Variants in ASTN2 observed in about 807,000 individuals in gnomAD.
The protein encoded by ASTN2 is astrotactin-2.
Under a neutral mutation model 139.8 loss-of-function variants are expected in ASTN2, and 54 were observed. The ratio of observed to expected loss-of-function variants is 0.39; its 90% CI spans 0.31 to 0.48. The LOEUF (loss-of-function observed/expected upper bound fraction) is 0.48. Among genes scored for constraint, ASTN2 ranks in the 20% least tolerant of loss-of-function variants. ASTN2 has a pLI of 0.95. For missense variants in ASTN2, 1,565 were observed against 1,725.1 expected (o/e 0.91, Z 1.64); for synonymous variants, 756 against 719.5 (o/e 1.05, Z -0.81).
intron 19 of ASTN2, among the ~76,000 whole-genome samples, chr9:116,509,167 C>A (rs1587906453): frequency 6.6e-6 from 1 of 152,162 alleles, no homozygotes; most frequent in African/African-American, 2.4e-5. Flanking sequence ...CTTCCCCTCA[C>A]CCCACGACAG....
chr9:116,750,363 G>A lies in ASTN2; in HGVS notation c.2397-16840C>T, dbSNP rs117752901. 1.9e-3 allele frequency among the ~76,000 whole-genome samples: 294 copies of A among 152,210 alleles called. 1 individual carries two copies. Among genetic ancestry groups the A allele is most frequent in the Non-Finnish European group, 2.8e-3 (191 of 68,002 alleles). On this transcript the variant is annotated intron_variant, in intron 13 of 22. Coordinates refer to ENST00000313400, the MANE Select transcript of ASTN2 (RefSeq NM_001365068.1). ...CAGAACATATGGCATAAATACAGCT[G>A]GTTCTGGTGTGAATTTGTGGTTGGG...
At chr9:116,817,476 A>T (rs916161342) in intron 12 of ASTN2, among the ~76,000 whole-genome samples, 1 of 152,272 alleles carries the variant, frequency 6.6e-6, no homozygotes, top group East Asian at 1.9e-4. Context: ...GGGGGTACAA[A>T]GGAGAAAGAG....
intron 20 of ASTN2, among the ~76,000 whole-genome samples, chr9:116,457,490 C>G (rs573107285): frequency 1.3e-5 from 2 of 152,194 alleles, no homozygotes; most frequent in Admixed American, 1.3e-4. Context: ...GGAGCTCAAA[C>G]AACTCAATAC....
chr9:116,646,523 G>A lies in ASTN2; in HGVS notation c.3072+5005C>T, dbSNP rs117742181. On this transcript the variant is annotated intron_variant, in intron 17 of 22. Coordinates refer to ENST00000313400, the MANE Select transcript of ASTN2 (RefSeq NM_001365068.1). ...GTAGCTGCTTTTTCTTCCCACCAGC[G>A]TTGTTTTGTGGCCATATTCCCTTCC... 7.5e-3 allele frequency among the ~76,000 whole-genome samples: 1,148 copies of A among 152,208 alleles called. 6 individuals are homozygous for A. Among genetic ancestry groups the A allele is most frequent in the Middle Eastern group, 0.014 (4 of 294 alleles).
chr9:116,477,435 G>A (rs994257269), intron 20 of ASTN2, among the ~76,000 whole-genome samples: 5 of 151,990 alleles, frequency 3.3e-5, no homozygotes, highest in Non-Finnish European at 7.4e-5. Flanking sequence ...TTCCACTCGA[G>A]TTTGGGGACA....
chr9:117,095,291 C>T (rs939454126), intron 5 of ASTN2, among the ~76,000 whole-genome samples: 1 of 152,212 alleles, frequency 6.6e-6, no homozygotes, highest in African/African-American at 2.4e-5. Context: ...CATTCACAGG[C>T]AATTGCCTGA....
intron 19 of ASTN2, among the ~76,000 whole-genome samples, chr9:116,577,375 T>C (rs961494327): frequency 1.3e-5 from 2 of 151,768 alleles, no homozygotes; most frequent in African/African-American, 4.8e-5. Flanking sequence ...TAAAACAAAA[T>C]ACAAAAATTA....
At chr9:116,533,785 G>A (rs904094792) in intron 19 of ASTN2, among the ~76,000 whole-genome samples, 5 of 152,080 alleles carry the variant, frequency 3.3e-5, no homozygotes, top group Admixed American at 6.5e-5. Flanking sequence ...GAAGATTTTT[G>A]CATCGATGTT....
At chr9:117,346,283 C>T (rs1242262073) in intron 1 of ASTN2, among the ~76,000 whole-genome samples, 2 of 152,098 alleles carry the variant, frequency 1.3e-5, no homozygotes, top group Non-Finnish European at 2.9e-5. Flanking sequence ...GTATAACCAA[C>T]GTAGAGTTTA....
chr9:116,832,317 T>C (rs11794850), intron 11 of ASTN2, among the ~76,000 whole-genome samples: 2,252 of 152,258 alleles, frequency 0.015, 18 homozygotes, highest in African/African-American at 0.026. Context: ...TATTTCTTCC[T>C]TTCTTATCTG....
intron 13 of ASTN2, among the ~76,000 whole-genome samples, chr9:116,802,843 T>C (rs1014418830): frequency 5.9e-5 from 9 of 152,238 alleles, no homozygotes. Context: ...CTTATCCATA[T>C]GTCTGGGCCT....
chr9:116,545,791 T>C (rs1187422050), intron 19 of ASTN2: 1 of 152,204 alleles, frequency 6.6e-6, no homozygotes, highest in African/African-American at 2.4e-5. Context: ...GATGAAGAGA[T>C]GAAACACAAT....
chr9:116,956,074 CTCTTTTT>C (rs1032779160), intron 10 of ASTN2, among the ~76,000 whole-genome samples: 1 of 149,268 alleles, frequency 6.7e-6, no homozygotes, highest in African/African-American at 2.4e-5. Flanking sequence ...CTAATCAGAA[CTCTTTTT>C]TCTTTTTCTT....
At chr9:116,635,659 C>A (rs937733612) in intron 17 of ASTN2, among the ~76,000 whole-genome samples, 2 of 152,172 alleles carry the variant, frequency 1.3e-5, no homozygotes, top group Non-Finnish European at 2.9e-5. Context: ...CTACGTTATA[C>A]TTCAATTGCC....
chr9:117,332,635 A>T (rs1050043772), intron 1 of ASTN2, among the ~76,000 whole-genome samples: 5 of 152,160 alleles, frequency 3.3e-5, no homozygotes, highest in Non-Finnish European at 7.4e-5. Context: ...TGAGAAAATG[A>T]AGGCTTGGGG....
At chr9:117,094,793 A>C (rs1828798358) in intron 5 of ASTN2, among the ~76,000 whole-genome samples, 1 of 152,226 alleles carries the variant, frequency 6.6e-6, no homozygotes, top group African/African-American at 2.4e-5. Flanking sequence ...TTTTGCTTTT[A>C]GCATACACCA....
At chr9:117,166,471 C>A (rs1229890130) in intron 3 of ASTN2, among the ~76,000 whole-genome samples, 5 of 152,144 alleles carry the variant, frequency 3.3e-5, no homozygotes, top group African/African-American at 1.2e-4. Context: ...TTGCACATGG[C>A]TTGCAAGGAA....
At chr9:116,898,541 C>T (rs890736445) in intron 10 of ASTN2, among the ~76,000 whole-genome samples, 12 of 152,260 alleles carry the variant, frequency 7.9e-5, no homozygotes, top group African/African-American at 2.9e-4. Context: ...TTCATGAAGC[C>T]GAGTGACCAC....
At chr9:116,463,731 A>C (rs1194335984) in intron 20 of ASTN2, among the ~76,000 whole-genome samples, 3 of 152,072 alleles carry the variant, frequency 2.0e-5, no homozygotes, top group Admixed American at 6.6e-5. Flanking sequence ...CATTATAGTT[A>C]CATTGTGTTT....
Sources: gnomAD v4.1 joint callset for allele counts (sites outside exome capture counted in the v4.1 genomes callset) on GRCh38, gnomAD v4.1.1 for gene constraint, MANE v1.5 for transcripts, NCBI Gene and HGNC (gene_info 2026-07-23, HGNC 2026-07-21) for gene names.